The following DGLUCY variants were observed in gnomAD, a reference collection of about 807,000 sequenced individuals.
DGLUCY encodes D-glutamate cyclase, mitochondrial.
DGLUCY carries 58 observed loss-of-function variants against 58.5 expected under a neutral mutation model. That is an observed-to-expected ratio of 0.99 (90% CI 0.80 to 1.23). The LOEUF (loss-of-function observed/expected upper bound fraction) is 1.23, where lower values mean the gene tolerates loss of function less well. DGLUCY is among the 50% of genes most tolerant of loss of function. The pLI is 0.00. For synonymous variants in DGLUCY, 325 were observed against 314.1 expected, an observed-to-expected ratio of 1.03 and a Z score of -0.37; for missense variants, 779 against 784.7, an observed-to-expected ratio of 0.99 and a Z score of 0.09.
Position 91,149,257 on chromosome 14 carries a change from AAAAAG to A in DGLUCY, c.-81-8363_-81-8359del, listed in dbSNP as rs1267387573. The stretch of plus-strand genomic sequence containing the variant: ...AGCGAAACTCTATCTCAAAAAAAAA[AAAAAG>A]AAAAGAAAAGAAAAGAAAGAAACTG... On this transcript the variant is annotated intron_variant, in intron 1 of 13. Coordinates refer to ENST00000256324, the MANE Select transcript of DGLUCY (RefSeq NM_001102368.3). 1.1e-3 allele frequency among the ~76,000 whole-genome samples: 173 copies of A among 152,142 alleles called. 1 individual carries two copies. The highest frequency in any genetic ancestry group is 3.2e-3 in the African/African-American group (132 of 41,534).
At chr14:91,091,815 C>G (rs1170796827) in intron 1 of DGLUCY, among the ~76,000 whole-genome samples, 1 of 152,134 alleles carries the variant, frequency 6.6e-6, no homozygotes, top group Non-Finnish European at 1.5e-5. Context: ...ATACCCAAGT[C>G]CCCTGAACAC....
intron 11 of DGLUCY, among the ~76,000 whole-genome samples, chr14:91,200,269 T>C (rs1567002769): frequency 6.6e-6 from 1 of 152,144 alleles, no homozygotes; most frequent in Non-Finnish European, 1.5e-5. Context: ...TGTGTTTTTA[T>C]TGACTATTGA....
At chr14:91,186,943 T>G (rs141063710) in intron 8 of DGLUCY, among the ~76,000 whole-genome samples, 1 of 152,232 alleles carries the variant, frequency 6.6e-6, no homozygotes, top group East Asian at 1.9e-4. Context: ...AATGCAAGTT[T>G]CCTGGTTCTA....
chr14:91,204,362 T>C (rs2050749304), intron 11 of DGLUCY, among the ~76,000 whole-genome samples: 2 of 152,134 alleles, frequency 1.3e-5, no homozygotes, highest in African/African-American at 4.8e-5. Flanking sequence ...GGGGGCTCAG[T>C]GAGCGGGAGC....
At chr14:91,131,036 C>A (rs1448632001) in intron 1 of DGLUCY, among the ~76,000 whole-genome samples, 2 of 152,108 alleles carry the variant, frequency 1.3e-5, no homozygotes, top group Non-Finnish European at 2.9e-5. Context: ...CAGCCTCAAC[C>A]TCCCCGGCTC....
At chr14:91,123,989 G>A (rs927556424) in intron 1 of DGLUCY, among the ~76,000 whole-genome samples, 2 of 148,402 alleles carry the variant, frequency 1.3e-5, no homozygotes, top group African/African-American at 5.0e-5. Flanking sequence ...GTGCAGTGGT[G>A]CAATCTTGGC....
chr14:91,202,640 G>C (rs2050642897), intron 11 of DGLUCY, among the ~76,000 whole-genome samples: 1 of 152,118 alleles, frequency 6.6e-6, no homozygotes, highest in Admixed American at 6.5e-5. Context: ...CAGCCTGTGG[G>C]GGAGGGGTTC....
chr14:91,106,434 C>T (rs2044591613), upstream of DGLUCY, among the ~76,000 whole-genome samples: 1 of 151,192 alleles, frequency 6.6e-6, no homozygotes, highest in Non-Finnish European at 1.5e-5. Context: ...TGGCCAGGCA[C>T]AGTAGCTCAT....
At chr14:91,179,993 G>A (rs1397438685) in intron 7 of DGLUCY, among the ~76,000 whole-genome samples, 2 of 139,842 alleles carry the variant, frequency 1.4e-5, no homozygotes, top group Non-Finnish European at 3.0e-5. Flanking sequence ...CCAGGTTCAA[G>A]CAATTCTCCC....
At chr14:91,112,397 TAGAC>T (rs2044720101), upstream of DGLUCY, among the ~76,000 whole-genome samples, 1 of 152,160 alleles carries the variant, frequency 6.6e-6, no homozygotes, top group Admixed American at 6.6e-5. Context: ...CAGAGCAACT[TAGAC>T]AGCAGGGCTC....
At chr14:91,090,876 A>G (rs903137666) in intron 1 of DGLUCY, among the ~76,000 whole-genome samples, 2 of 152,200 alleles carry the variant, frequency 1.3e-5, no homozygotes, top group Admixed American at 1.3e-4. Context: ...TACAGCTCAG[A>G]GGCTGCATCC....
intron 1 of DGLUCY, among the ~76,000 whole-genome samples, chr14:91,157,329 G>A (rs906097696): frequency 3.9e-5 from 6 of 152,106 alleles, no homozygotes; most frequent in Admixed American, 6.5e-5. Context: ...ATGGATGGAT[G>A]GATACATACA....
At chr14:91,215,362 G>T in intron 12 of DGLUCY, 43 bp from the exon 13 acceptor site, 1 of 1,567,060 alleles carries the variant, frequency 6.4e-7, no homozygotes, top group South Asian at 1.2e-5. Context: ...ACAGACACAT[G>T]ACTTTTCCAA....
At chr14:91,197,801 G>A (rs1350218329) in intron 10 of DGLUCY, among the ~76,000 whole-genome samples, 1 of 152,142 alleles carries the variant, frequency 6.6e-6, no homozygotes, top group African/African-American at 2.4e-5. Flanking sequence ...TCTGTCAGTG[G>A]GCACTGGGTT....
At chr14:91,089,271 G>A (rs768186400) in intron 1 of DGLUCY, among the ~76,000 whole-genome samples, 1 of 152,138 alleles carries the variant, frequency 6.6e-6, no homozygotes, top group South Asian at 2.1e-4. Flanking sequence ...CTCAGGAGCC[G>A]GTGGCAGCTC....
intron 1 of DGLUCY, among the ~76,000 whole-genome samples, chr14:91,068,146 G>A (rs1211820493): frequency 6.6e-6 from 1 of 150,932 alleles, no homozygotes; most frequent in African/African-American, 2.4e-5. Context: ...ACAGTCTTGC[G>A]AAGGGGGCAG....
At chr14:91,096,581 G>A (rs1193523487) in intron 1 of DGLUCY, among the ~76,000 whole-genome samples, 1 of 152,158 alleles carries the variant, frequency 6.6e-6, no homozygotes. Context: ...ATTGCCTGGG[G>A]ACTGACCACA....
intron 12 of DGLUCY, among the ~76,000 whole-genome samples, chr14:91,208,178 G>T (rs898049131): frequency 6.6e-6 from 1 of 152,194 alleles, no homozygotes; most frequent in Admixed American, 6.5e-5. Flanking sequence ...TAAAAATTGA[G>T]AGAATTTGTT....
At chr14:91,173,180 GCTAC>G in intron 5 of DGLUCY, 105 bp from the exon 6 acceptor site, 1 of 1,168,404 alleles carries the variant, frequency 8.6e-7, no homozygotes, top group Non-Finnish European at 1.2e-6. Context: ...TTCTATAACA[GCTAC>G]TCCTCCTTCA....
Sources: gnomAD v4.1 joint callset for allele counts (sites outside exome capture counted in the v4.1 genomes callset) on GRCh38, gnomAD v4.1.1 for gene constraint, MANE v1.5 for transcripts, NCBI Gene and HGNC (gene_info 2026-07-23, HGNC 2026-07-21) for gene names.